C3orf20: variants seen among roughly 807,000 people sequenced by gnomAD.
The protein encoded by C3orf20 is family with sequence similarity 149 member C.
C3orf20 carries 76 observed loss-of-function variants against 88.3 expected under a neutral mutation model. The ratio of observed to expected loss-of-function variants is 0.86; its 90% confidence interval spans 0.72 to 1.04. The LOEUF is 1.04. Ranked by LOEUF, C3orf20 falls within the 50% of genes least tolerant of loss-of-function variation. The pLI, the probability that C3orf20 is intolerant of heterozygous loss-of-function variation, is 0.00. For missense variants in C3orf20, 1,056 were observed against 1,123.3 expected, an observed-to-expected ratio of 0.94 and a Z score of 0.86; for synonymous variants, 436 against 437.4, an observed-to-expected ratio of 1.00 and a Z score of 0.04.
intron 10 of C3orf20, 74 bp from the exon 11 acceptor site, chr3:14,726,827 T>C: frequency 6.2e-7 from 1 of 1,601,530 alleles, no homozygotes; most frequent in Non-Finnish European, 8.5e-7. Flanking sequence ...GGAGCAAGTC[T>C]TAGTTATCCT....
At chr3:14,685,856 CTTTTTTTTT>C (rs71038423) in intron 4 of C3orf20, among the ~76,000 whole-genome samples, 2 of 68,380 alleles carry the variant, frequency 2.9e-5, no homozygotes, top group African/African-American at 1.3e-4. Context: ...GCAGGATTTC[CTTTTTTTTT>C]TTTTTTTTTT....
At chr3:14,746,393 G>A (rs968280006) in intron 12 of C3orf20, among the ~76,000 whole-genome samples, 3 of 152,294 alleles carry the variant, frequency 2.0e-5, no homozygotes, top group South Asian at 2.1e-4. Context: ...AAGGTTATAG[G>A]AGGTCATTTC....
At position 14,703,136 on chromosome 3, in the gene C3orf20, C is replaced by G; in HGVS notation, c.752C>G (p.Ser251Cys). The G allele has an allele frequency of 6.2e-7, 1 of 1,614,164 alleles. No individual in the cohort carries two copies. Among genetic ancestry groups the G allele is most frequent in the Non-Finnish European group, 8.5e-7 (1 of 1,180,020 alleles). Residue 251 changes from serine to cysteine, a missense_variant, in exon 6 of 17, where the codon TCT becomes TGT. Ser to Cys is a moderately radical substitution (Grantham distance 112). Transcript: ENST00000253697. Reference sequence around the variant, plus strand: ...TCTTGCCCTCCAACTACAGGCAAATCTAGAACTACAGAAGATGTCAGCATG... The same window carrying G: ...TCTTGCCCTCCAACTACAGGCAAATGTAGAACTACAGAAGATGTCAGCATG... Reference protein sequence around the residue: ...GKEAKKKIGKSRTTEDVSMPP... With the variant: ...GKEAKKKIGKCRTTEDVSMPP...
chr3:14,682,062 G>A lies in C3orf20; in HGVS notation c.-298-108G>A, dbSNP rs567666638. ...ACATTCATTTTTTTCTTATAAGATG[G>A]TGCATCTTTTGATCACTAATGTCTT... On this transcript the variant is annotated intron_variant, in intron 1 of 16. Coordinates refer to ENST00000253697, the MANE Select transcript of C3orf20 (RefSeq NM_032137.5). 3.9e-5 allele frequency: 6 copies of A among 152,206 alleles called. 1 individual carries two copies. Among genetic ancestry groups the A allele is most frequent in the African/African-American group, 1.4e-4 (6 of 41,508 alleles). The allele number at this position is 152,206 out of a possible 1,614,324, so 9.4% of individuals were successfully genotyped here. A position where few individuals can be genotyped will look rare whatever the true frequency, so the allele number is the denominator to read the frequency against.
chr3:14,770,204 T>C (rs998358541), intron 15 of C3orf20, among the ~76,000 whole-genome samples: 1 of 152,168 alleles, frequency 6.6e-6, no homozygotes, highest in African/African-American at 2.4e-5. Flanking sequence ...CAGGCAGGCC[T>C]CTAAGAGAGG....
At chr3:14,704,199 G>A (rs1264501883) in intron 6 of C3orf20, 138 bp from the exon 7 acceptor site, 1 of 851,722 alleles carries the variant, frequency 1.2e-6, no homozygotes, top group African/African-American at 1.7e-5. Flanking sequence ...ATGGACGAGG[G>A]AGCATGGGTT....
chr3:14,751,179 G>A (rs1285506941), intron 12 of C3orf20, among the ~76,000 whole-genome samples: 1 of 152,118 alleles, frequency 6.6e-6, no homozygotes, highest in African/African-American at 2.4e-5. Context: ...TCTATTAGGT[G>A]AGATATTGTT....
At chr3:14,729,542 C>T (rs749710140) in intron 12 of C3orf20, among the ~76,000 whole-genome samples, 2 of 152,118 alleles carry the variant, frequency 1.3e-5, no homozygotes, top group Non-Finnish European at 2.9e-5. Context: ...GTGACATCAT[C>T]TGATTTATCT....
rs536741304 is a variant in C3orf20 at position 14,722,602 on chromosome 3, G to A, written c.1566+818G>A. ...GTCTCTCCCTCTGCTCAGCCCCCCT[G>A]GCCGTGACAACGTCCATTCTAGACT... On this transcript the variant is annotated intron_variant, in intron 10 of 16. Transcript: ENST00000253697. 9.0e-4 allele frequency: 408 copies of A among 453,148 alleles called. 1 individual carries two copies. The highest frequency in any genetic ancestry group is 8.1e-3 in the African/African-American group (381 of 47,016). The allele number at this position is 453,148 out of a possible 1,614,324, so 28.1% of individuals were successfully genotyped here.
chr3:14,729,935 GAGCAAATCCTA>G (rs1481840609), intron 12 of C3orf20, among the ~76,000 whole-genome samples: 14 of 152,176 alleles, frequency 9.2e-5, no homozygotes, highest in Admixed American at 9.2e-4. Flanking sequence ...ACAGAAAAAT[GAGCAAATCCTA>G]AGTGTGTAGC....
At chr3:14,676,887 A>T (rs925073773) in intron 1 of C3orf20, among the ~76,000 whole-genome samples, 3 of 152,154 alleles carry the variant, frequency 2.0e-5, no homozygotes, top group Non-Finnish European at 4.4e-5. Flanking sequence ...TCACCTTAAG[A>T]TCCACTTCTC....
At position 14,728,449 on chromosome 3, in the gene C3orf20, CATTGAAT is replaced by C; in HGVS notation, c.1704_1710del (p.Glu569ProfsTer14). 1 of 1,614,104 alleles carries C rather than the reference CATTGAAT, an allele frequency of 6.2e-7. No individual in the cohort carries two copies. Among genetic ancestry groups the C allele is most frequent in the Admixed American group, 1.7e-5 (1 of 60,008 alleles). ...ATCTTCTGTTAACAGGTCTGTTTAC[CATTGAAT>C]ATCCCACCAAAAAGGAGGAGGAAGA... is the stretch of plus-strand genomic sequence containing the variant. On this transcript the variant is annotated frameshift_variant, in exon 12 of 17. Coordinates refer to ENST00000253697, the MANE Select transcript of C3orf20 (RefSeq NM_032137.5). LOFTEE classifies it high-confidence loss of function.
chr3:14,708,024 G>T (rs1368553018), intron 7 of C3orf20, among the ~76,000 whole-genome samples: 1 of 151,894 alleles, frequency 6.6e-6, no homozygotes, highest in Non-Finnish European at 1.5e-5. Flanking sequence ...CTCCATGTTG[G>T]TCAGGCTGGT....
At chr3:14,766,666 G>A (rs1012840997) in intron 15 of C3orf20, among the ~76,000 whole-genome samples, 5 of 152,214 alleles carry the variant, frequency 3.3e-5, no homozygotes, top group African/African-American at 1.2e-4. Flanking sequence ...CAGCAGTGGG[G>A]ACGAGGTACA....
intron 5 of C3orf20, among the ~76,000 whole-genome samples, chr3:14,699,619 A>G (rs2033160574): frequency 6.6e-6 from 1 of 152,236 alleles, no homozygotes; most frequent in Non-Finnish European, 1.5e-5. Flanking sequence ...CTAAACTGGT[A>G]TCCAAGATGC....
Position 14,742,218 on chromosome 3 carries a change from GGTA to G in C3orf20, c.1940+13535_1940+13537del, listed in dbSNP as rs371480364. ...ACATTAGTGATATGCTGTCAAAGAT[GGTA>G]GTAGGGAAAAGAGAATTTTAAATTT... is the stretch of plus-strand genomic sequence containing the variant. On this transcript the variant is annotated intron_variant, in intron 12 of 16. Transcript: ENST00000253697. 5.3e-5 allele frequency among the ~76,000 whole-genome samples: 8 copies of G among 152,296 alleles called. No homozygotes were observed. In the East Asian group the frequency reaches 1.5e-3, roughly 29 times the overall value.
chr3:14,689,208 C>T (rs1046712564), intron 4 of C3orf20, among the ~76,000 whole-genome samples: 8 of 152,088 alleles, frequency 5.3e-5, no homozygotes, highest in African/African-American at 1.9e-4. Flanking sequence ...TTCATTTCTA[C>T]CAAGTTAGAA....
chr3:14,729,073 C>T (rs942490630), intron 12 of C3orf20, among the ~76,000 whole-genome samples: 5 of 152,160 alleles, frequency 3.3e-5, no homozygotes, highest in Non-Finnish European at 5.9e-5. Flanking sequence ...TCTGGGAACA[C>T]GGCTACACCC....
chr3:14,709,982 G>A (rs1361922793), intron 7 of C3orf20, among the ~76,000 whole-genome samples: 1 of 152,134 alleles, frequency 6.6e-6, no homozygotes, highest in African/African-American at 2.4e-5. Context: ...CACCAGTGAA[G>A]CCATCTGGTC....
Sources: allele counts gnomAD v4.1 joint callset (sites outside exome capture counted in the v4.1 genomes callset), GRCh38; gene constraint gnomAD v4.1.1; transcripts MANE v1.5; gene names NCBI Gene and HGNC (gene_info 2026-07-23, HGNC 2026-07-21).